CAPS2: variants seen among roughly 807,000 people sequenced by gnomAD.
The protein encoded by CAPS2 is calcyphosin-2.
A neutral mutation model predicts 86.5 loss-of-function variants in CAPS2; 98 were observed. The ratio of observed to expected loss-of-function variants is 1.13; its 90% CI spans 0.96 to 1.34. The LOEUF is 1.34. Ranked by LOEUF, CAPS2 falls within the 40% of genes most tolerant of loss-of-function variation. The pLI is 0.00. For synonymous variants in CAPS2, 210 were observed against 225.1 expected (o/e 0.93, Z 0.60); for missense variants, 729 against 686.8 (o/e 1.06, Z -0.69).
intron 15 of CAPS2, among the ~76,000 whole-genome samples, chr12:75,282,723 T>C (rs1467620865): frequency 6.6e-6 from 1 of 152,140 alleles, no homozygotes; most frequent in African/African-American, 2.4e-5. Context: ...TTATTAGACA[T>C]AGGAATCTAA....
chr12:75,303,406 A>G (rs1193365427), intron 8 of CAPS2, among the ~76,000 whole-genome samples: 2 of 152,220 alleles, frequency 1.3e-5, no homozygotes, highest in African/African-American at 2.4e-5. Flanking sequence ...GTTCTAATCT[A>G]TGATATTAAG....
chr12:75,313,602 T>C (rs888870005), intron 6 of CAPS2, among the ~76,000 whole-genome samples: 1 of 152,188 alleles, frequency 6.6e-6, no homozygotes, highest in Non-Finnish European at 1.5e-5. Flanking sequence ...TAATTCAAAT[T>C]ATATTATCCT....
chr12:75,358,037 G>C (rs1298094953), intron 1 of CAPS2, among the ~76,000 whole-genome samples: 1 of 148,202 alleles, frequency 6.7e-6, no homozygotes, highest in East Asian at 2.0e-4. Context: ...CAGAAAAACA[G>C]TTAAAAACAT....
chr12:75,374,553 C>T lies in CAPS2; in HGVS notation c.-395+16285G>A, dbSNP rs142174200. Among the ~76,000 whole-genome samples the T allele has an allele frequency of 2.7e-3, 405 of 152,282 alleles. 2 individuals are homozygous for T. Among genetic ancestry groups the T allele is most frequent in the African/African-American group, 9.5e-3 (393 of 41,548 alleles). Reference sequence around the variant, plus strand: ...GCATGCAAATATCTCACCAATGAGTCCAGTGTCTTTGCTTTTTCTCACTCA... The same window carrying T: ...GCATGCAAATATCTCACCAATGAGTTCAGTGTCTTTGCTTTTTCTCACTCA... On this transcript the variant is annotated intron_variant, in intron 1 of 5. Coordinates refer to the CAPS2 transcript ENST00000551829.
chr12:75,390,483 T>C (rs560250500), intron 1 of CAPS2: 9 of 414,464 alleles, frequency 2.2e-5, no homozygotes. Context: ...CAAAGGTTCA[T>C]TTAAAAACTG....
chr12:75,364,474 C>G (rs918915069), intron 1 of CAPS2, among the ~76,000 whole-genome samples: 5 of 152,190 alleles, frequency 3.3e-5, no homozygotes, highest in African/African-American at 1.2e-4. Flanking sequence ...CAGTGGAACC[C>G]CTATTGCCAA....
At chr12:75,374,368 G>A (rs566944698) in intron 1 of CAPS2, among the ~76,000 whole-genome samples, 1 of 152,176 alleles carries the variant, frequency 6.6e-6, no homozygotes, top group African/African-American at 2.4e-5. Context: ...GGCCCTCTAA[G>A]CATTGTGCCT....
intron 1 of CAPS2, chr12:75,360,079 C>G (rs927188164): frequency 1.3e-5 from 2 of 152,122 alleles, no homozygotes; most frequent in Non-Finnish European, 2.9e-5. Flanking sequence ...ATCATGAGAA[C>G]AGCATGGGGG....
At chr12:75,307,687 A>G (rs1206813844) in intron 7 of CAPS2, among the ~76,000 whole-genome samples, 1 of 152,228 alleles carries the variant, frequency 6.6e-6, no homozygotes, top group Non-Finnish European at 1.5e-5. Flanking sequence ...ACATAAATAC[A>G]AGAGAACACA....
At chr12:75,302,211 T>G (rs2138600484) in intron 8 of CAPS2, among the ~76,000 whole-genome samples, 1 of 152,260 alleles carries the variant, frequency 6.6e-6, no homozygotes, top group East Asian at 1.9e-4. Flanking sequence ...AGCTAAAAAT[T>G]CAATAATTCT....
downstream of CAPS2, chr12:75,276,153 T>A: frequency 6.7e-7 from 1 of 1,498,906 alleles, no homozygotes; most frequent in East Asian, 2.5e-5. Context: ...CTTCTCTTGC[T>A]TGGCTTATTT....
At position 75,386,752 on chromosome 12, in the gene CAPS2, C is replaced by G. The variant is rs80046166; in HGVS notation, c.-395+4086G>C. ...CAGAATAGAGAGCTGAGAAATAGAA[C>G]AGCATAAATAAAGTCAACTGATCTT... On this transcript the variant is annotated intron_variant, in intron 1 of 5. Transcript: ENST00000551829. 7.5e-3 allele frequency among the ~76,000 whole-genome samples: 1,146 copies of G among 151,994 alleles called. 9 individuals are homozygous for G. Among genetic ancestry groups the G allele is most frequent in the African/African-American group, 0.026 (1,087 of 41,428 alleles).
intron 1 of CAPS2, chr12:75,370,507 A>G (rs77458364): frequency 0.037 from 6,432 of 171,656 alleles, 141 homozygotes; most frequent in East Asian, 0.051. Context: ...TAGTTTCCTT[A>G]GATACCAATA....
intron 16 of CAPS2, 111 bp from the exon 17 acceptor site, chr12:75,279,176 T>C: frequency 9.5e-7 from 1 of 1,058,034 alleles, no homozygotes; most frequent in East Asian, 2.5e-5. Context: ...CAATTTGAAA[T>C]CTTTTGTCAA....
chr12:75,306,284 A>C lies in CAPS2; in HGVS notation c.660-1408T>G, dbSNP rs568648949. On this transcript the variant is annotated intron_variant, in intron 7 of 16. Coordinates refer to ENST00000393284, the Ensembl canonical transcript of CAPS2. ...CAGGCAGGCCTTCCGGATACTGGGA[A>C]GCTATGGAGGAGGCCAGAGCTCTGC... is the stretch of plus-strand genomic sequence containing the variant. 12 of 610,988 alleles carry C rather than the reference A, an allele frequency of 2.0e-5. No homozygotes were observed. In the Admixed American group the frequency reaches 3.1e-4, roughly 16 times the overall value. 37.8% of individuals were successfully genotyped at this position (610,988 alleles called of 1,614,324 possible). A position where few individuals can be genotyped will look rare whatever the true frequency, so the allele number is the denominator to read the frequency against.
intron 11 of CAPS2, among the ~76,000 whole-genome samples, chr12:75,296,903 A>T (rs2036995504): frequency 6.6e-6 from 1 of 152,236 alleles, no homozygotes; most frequent in Non-Finnish European, 1.5e-5. Flanking sequence ...ATGTATTTTT[A>T]AAAGTAGGGA....
chr12:75,384,481 T>C (rs958908411), intron 1 of CAPS2, among the ~76,000 whole-genome samples: 18 of 152,284 alleles, frequency 1.2e-4, no homozygotes, highest in African/African-American at 4.3e-4. Context: ...AAGAGGCCTA[T>C]TCCTATTTAA....
At chr12:75,381,293 A>C (rs7294516) in intron 1 of CAPS2, among the ~76,000 whole-genome samples, 137,770 of 152,282 alleles carry the variant, frequency 0.9, 62,448 homozygotes, top group East Asian at 0.99. Flanking sequence ...GATTGTGAGA[A>C]CTTCCCTAGC....
chr12:75,282,081 C>A (rs548729955), intron 16 of CAPS2, among the ~76,000 whole-genome samples, 170 bp downstream of exon 16: 2 of 151,982 alleles, frequency 1.3e-5, no homozygotes, highest in South Asian at 2.1e-4. Flanking sequence ...GGGCAATAGA[C>A]CTAAGAATTT....
Sources: gnomAD v4.1 joint callset for allele counts (sites outside exome capture counted in the v4.1 genomes callset) on GRCh38, gnomAD v4.1.1 for gene constraint, MANE v1.5 for transcripts, NCBI Gene and HGNC (gene_info 2026-07-23, HGNC 2026-07-21) for gene names.